ZNF208: variants seen among roughly 807,000 people sequenced by gnomAD.
The protein encoded by ZNF208 is zinc finger protein 95.
In ZNF208, 10 loss-of-function variants were observed where a neutral mutation model predicts 12.1. That is an observed-to-expected ratio of 0.83 (90% confidence interval 0.51 to 1.40). The LOEUF (loss-of-function observed/expected upper bound fraction) is 1.40, where lower values mean the gene tolerates loss of function less well. ZNF208 is among the 40% of genes most tolerant of loss of function. The pLI is 0.00. For missense variants in ZNF208, 1,652 were observed against 1,485.0 expected, an observed-to-expected ratio of 1.11 and a Z score of -1.85; for synonymous variants, 497 against 488.4, an observed-to-expected ratio of 1.02 and a Z score of -0.23.
chr19:22,005,151 T>C (rs949439766), intron 1 of ZNF208, among the ~76,000 whole-genome samples: 2 of 152,194 alleles, frequency 1.3e-5, no homozygotes, highest in African/African-American at 2.4e-5. Context: ...TTGTGGTTTT[T>C]GGCCAAAAAA....
chr19:21,984,932 T>C (rs1249878480), intron 3 of ZNF208, among the ~76,000 whole-genome samples: 2 of 152,180 alleles, frequency 1.3e-5, no homozygotes, highest in African/African-American at 2.4e-5. Flanking sequence ...TACTTTAACA[T>C]GTATAGTCAT....
At chr19:21,961,391 T>A (rs113993141), downstream of ZNF208, among the ~76,000 whole-genome samples, 1 of 152,022 alleles carries the variant, frequency 6.6e-6, no homozygotes, top group Admixed American at 6.6e-5. Flanking sequence ...TCTGAGGAAA[T>A]AGGGCAAGGA....
At chr19:21,986,803 A>G (rs961613813) in intron 3 of ZNF208, 4 of 374,440 alleles carry the variant, frequency 1.1e-5, no homozygotes, top group Non-Finnish European at 4.7e-6. Context: ...AATGAACAAA[A>G]AAACCCCAAA....
At chr19:22,000,978 A>AAC (rs1207101449) in intron 1 of ZNF208, among the ~76,000 whole-genome samples, 2 of 152,190 alleles carry the variant, frequency 1.3e-5, no homozygotes, top group African/African-American at 4.8e-5. Context: ...CCCAAGACTG[A>AAC]ACACACACAC....
intron 4 of ZNF208, chr19:21,940,542 C>G (rs1969718704): frequency 6.6e-6 from 1 of 152,140 alleles, no homozygotes; most frequent in Non-Finnish European, 1.5e-5. Flanking sequence ...ACTGAAAACT[C>G]GATTGGGTCA....
At chr19:21,943,092 A>G (rs957184247) in intron 4 of ZNF208, among the ~76,000 whole-genome samples, 3 of 152,240 alleles carry the variant, frequency 2.0e-5, no homozygotes, top group African/African-American at 7.2e-5. Context: ...TACCTAAAAA[A>G]TCAACTGGAA....
chr19:22,008,487 ATGCCCCAGTGAG>A (rs1971089173), intron 1 of ZNF208, among the ~76,000 whole-genome samples: 1 of 151,672 alleles, frequency 6.6e-6, no homozygotes, highest in Non-Finnish European at 1.5e-5. Context: ...ACTCTGAACT[ATGCCCCAGTGAG>A]TGCCCCAGGT....
intron 3 of ZNF208, among the ~76,000 whole-genome samples, chr19:21,979,397 G>A (rs1484347986): frequency 6.6e-6 from 1 of 152,182 alleles, no homozygotes; most frequent in Non-Finnish European, 1.5e-5. Context: ...AACCCTACAG[G>A]CCAGAAGAGA....
At chr19:21,964,969 A>C (rs1398966130), downstream of ZNF208, among the ~76,000 whole-genome samples, 1 of 151,968 alleles carries the variant, frequency 6.6e-6, no homozygotes, top group East Asian at 1.9e-4. Flanking sequence ...ACGAAAATTT[A>C]TGTTACTACA....
In ZNF208 at chr19:22,010,824, T is replaced by A; in HGVS notation, c.-30A>T. The A allele has an allele frequency of 3.1e-6, 5 of 1,613,834 alleles. No individual in the cohort carries two copies. The highest frequency in any genetic ancestry group is 4.2e-6 in the Non-Finnish European group (5 of 1,179,892). On this transcript the variant is annotated 5_prime_UTR_variant, in exon 1 of 4. The change abolishes the stop of an existing upstream ORF in the 5' untranslated region. Coordinates refer to ENST00000397126, the MANE Select transcript of ZNF208 (RefSeq NM_007153.3). ...AGGCTTCCAGGGGGTCCTGGCGACT[T>A]AGTTGTGGATCTCCCAATACCTGCA...
At chr19:21,957,882 T>A (rs1970000995) in intron 4 of ZNF208, among the ~76,000 whole-genome samples, 2 of 151,858 alleles carry the variant, frequency 1.3e-5, no homozygotes, top group Admixed American at 6.6e-5. Flanking sequence ...CTGTGCACAA[T>A]GTGCAGGTTA....
chr19:21,953,265 C>T (rs1264965122), intron 4 of ZNF208, among the ~76,000 whole-genome samples: 1 of 152,084 alleles, frequency 6.6e-6, no homozygotes, highest in South Asian at 2.1e-4. Context: ...AGGAGAACTT[C>T]CCCAACCTAG....
chr19:22,001,216 C>T (rs370836027), intron 1 of ZNF208, among the ~76,000 whole-genome samples: 10 of 152,118 alleles, frequency 6.6e-5, no homozygotes, highest in African/African-American at 2.2e-4. Context: ...ACCTGGGAGG[C>T]GGAGGTTGCG....
intron 4 of ZNF208, among the ~76,000 whole-genome samples, chr19:21,949,331 C>T (rs1969858423): frequency 6.6e-6 from 1 of 152,090 alleles, no homozygotes; most frequent in Admixed American, 6.6e-5. Context: ...GAATATAGGG[C>T]CTCAAAATTT....
intron 1 of ZNF208, among the ~76,000 whole-genome samples, chr19:22,001,922 GAA>G (rs1226524087): frequency 1.3e-5 from 1 of 75,500 alleles, no homozygotes; most frequent in Admixed American, 1.4e-4. Flanking sequence ...AAAAAAAAAA[GAA>G]AAAAGAAAAG....
chr19:21,980,072 T>C (rs1306555542), intron 3 of ZNF208, among the ~76,000 whole-genome samples: 1 of 151,998 alleles, frequency 6.6e-6, no homozygotes, highest in Non-Finnish European at 1.5e-5. Flanking sequence ...CCGAGAATCA[T>C]AAAGCAAGTT....
At chr19:21,996,348 A>G (rs1970835437) in intron 1 of ZNF208, among the ~76,000 whole-genome samples, 1 of 152,200 alleles carries the variant, frequency 6.6e-6, no homozygotes, top group Admixed American at 6.5e-5. Flanking sequence ...TAACTTTAAT[A>G]ATTGATTGGA....
chr19:21,952,940 C>A (rs556399842), intron 4 of ZNF208, among the ~76,000 whole-genome samples: 1 of 152,246 alleles, frequency 6.6e-6, no homozygotes, highest in African/African-American at 2.4e-5. Flanking sequence ...AGATGAATGG[C>A]TAACTAGAAT....
In ZNF208 at chr19:21,966,241, C is replaced by G. The variant is rs1302229153; in HGVS notation, c.*4950G>C. 6.6e-6 allele frequency: 1 copy of G among 152,006 alleles called. No individual in the cohort carries two copies. Among genetic ancestry groups the G allele is most frequent in the Non-Finnish European group, 1.5e-5 (1 of 67,992 alleles). The allele number at this position is 152,006 out of a possible 1,614,324, so 9.4% of individuals were successfully genotyped here. A position where few individuals can be genotyped will look rare whatever the true frequency, so the allele number is the denominator to read the frequency against. Reference sequence around the variant, plus strand: ...TGTACATCATACCTAAGCAGATTTTCTATGCTTGTCTCCCATCCTTCCTCC... The same window carrying G: ...TGTACATCATACCTAAGCAGATTTTGTATGCTTGTCTCCCATCCTTCCTCC... On this transcript the variant is annotated 3_prime_UTR_variant, in exon 4 of 4. Transcript: ENST00000397126.
Sources: allele counts gnomAD v4.1 joint callset (sites outside exome capture counted in the v4.1 genomes callset), GRCh38; gene constraint gnomAD v4.1.1; transcripts MANE v1.5; gene names NCBI Gene and HGNC (gene_info 2026-07-23, HGNC 2026-07-21).